Variants in SATL1 observed in about 807,000 individuals in gnomAD.
SATL1 encodes spermidine/spermine N1-acetyl transferase like 1, also known as spermidine/spermine N(1)-acetyltransferase-like protein 1.
In SATL1, 47 loss-of-function variants were observed where a neutral mutation model predicts 51.8. That is an observed-to-expected ratio of 0.91 (90% CI 0.72 to 1.16). SATL1 has a LOEUF of 1.16. Ranked by LOEUF, SATL1 falls within the 50% of genes most tolerant of loss-of-function variation. The pLI is 0.00. For missense variants in SATL1, 520 were observed against 526.4 expected (o/e 0.99, Z 0.12); for synonymous variants, 176 against 182.4 (o/e 0.97, Z 0.28).
intron 2 of SATL1, among the ~76,000 whole-genome samples, chrX:85,177,151 G>A (rs755034562): frequency 9.0e-6 from 1 of 111,717 alleles, no homozygotes; most frequent in South Asian, 3.7e-4. Flanking sequence ...GGAGAGAGAA[G>A]TACAATGTGG....
At chrX:85,158,296 C>T (rs1467772294) in intron 2 of SATL1, among the ~76,000 whole-genome samples, 2 of 111,718 alleles carry the variant, frequency 1.8e-5, no homozygotes, top group African/African-American at 6.5e-5. Context: ...TTTGCTACCT[C>T]TTCTTCACCC....
At chrX:85,105,713 C>G (rs190762903) in intron 3 of SATL1, among the ~76,000 whole-genome samples, 34 of 111,928 alleles carry the variant, frequency 3.0e-4, no homozygotes, top group Admixed American at 1.0e-3. Flanking sequence ...ATTGCAAACT[C>G]TAATAAACTC....
intron 2 of SATL1, among the ~76,000 whole-genome samples, chrX:85,119,584 G>C (rs970224024): frequency 9.0e-6 from 1 of 111,238 alleles, no homozygotes; most frequent in Non-Finnish European, 1.9e-5. Context: ...AATAAATATC[G>C]CTTTAAATAT....
chrX:85,107,839 C>G lies in SATL1; in HGVS notation c.1130G>C (p.Ser377Thr). The G allele has an allele frequency of 8.3e-7, 1 of 1,211,469 alleles. No homozygotes were observed. Among genetic ancestry groups the G allele is most frequent in the African/African-American group, 1.7e-5 (1 of 57,715 alleles). Residue 377 changes from serine to threonine, a missense_variant, in exon 3 of 8, where the codon AGC becomes ACC. By Grantham distance (58) the Ser-to-Thr change is moderately conservative. Coordinates refer to ENST00000644105, the MANE Select transcript of SATL1 (RefSeq NM_001367857.2). ...GTCTAGTTGCCACATCACTGGTTGG[C>G]TTATACCTGATTGGTTTGTGCCTGC... ...SQAGTNQSGI[S>T]QPVMWQLDMR...
chrX:85,155,399 C>T (rs1161773187), intron 2 of SATL1, among the ~76,000 whole-genome samples: 1 of 111,003 alleles, frequency 9.0e-6, no homozygotes, highest in Non-Finnish European at 1.9e-5. Flanking sequence ...ATCACTTAGC[C>T]CCTATTTCCT....
At chrX:85,198,136 C>T (rs767396405) in intron 2 of SATL1, among the ~76,000 whole-genome samples, 4 of 111,458 alleles carry the variant, frequency 3.6e-5, no homozygotes, top group East Asian at 2.8e-4. Context: ...CCTCCGGTTT[C>T]GTCTGTGTTT....
In SATL1 at chrX:85,107,879, A is replaced by T; in HGVS notation, c.1090T>A (p.Ser364Thr). ...RAPSQSGPRQ[S>T]STSQAGTNQS... ...TTTGTGCCTGCTTGGCTCGTGCTTGATTGTCTGGGGCCTGATTGGCTTGGG... is the reference window on the plus strand; with the variant it reads ...TTTGTGCCTGCTTGGCTCGTGCTTGTTTGTCTGGGGCCTGATTGGCTTGGG... The change falls in exon 3 of 8, where the codon TCA (serine) becomes ACA (threonine). Residue 364 changes from serine (S) to threonine (T), a missense_variant. Ser to Thr is a moderately conservative substitution (Grantham distance 58). Transcript: ENST00000644105. 2 of 1,207,282 alleles carry T rather than the reference A, an allele frequency of 1.7e-6. No homozygotes were observed. Among genetic ancestry groups the T allele is most frequent in the Non-Finnish European group, 2.2e-6 (2 of 894,403 alleles).
At chrX:85,183,698 G>T (rs1322334452) in intron 2 of SATL1, among the ~76,000 whole-genome samples, 1 of 111,291 alleles carries the variant, frequency 9.0e-6, no homozygotes, top group African/African-American at 3.3e-5. Flanking sequence ...GAGTACAATA[G>T]ATATTTTGAT....
At chrX:85,149,323 G>T (rs1314667030) in intron 2 of SATL1, among the ~76,000 whole-genome samples, 19 of 111,184 alleles carry the variant, frequency 1.7e-4, no homozygotes, top group African/African-American at 5.6e-4. Context: ...AGCAAGTCCT[G>T]AGTGACCTAC....
chrX:85,160,125 C>T lies in SATL1; in HGVS notation c.-312-50845G>A, dbSNP rs1401761773. ...AAATGAAGTCAGCTGACTGAACCCACCTTACACCATAATCAAACTCTCAAG... is the reference window on the plus strand; with the variant it reads ...AAATGAAGTCAGCTGACTGAACCCATCTTACACCATAATCAAACTCTCAAG... On this transcript the variant is annotated intron_variant, in intron 2 of 7. Transcript: ENST00000644105. Among the ~76,000 whole-genome samples the T allele has an allele frequency of 3.6e-5, 4 of 110,624 alleles. No homozygotes were observed. The South Asian group carries it at 1.6e-3, about 43-fold the overall frequency.
intron 2 of SATL1, among the ~76,000 whole-genome samples, chrX:85,133,109 G>A (rs1367289378): frequency 8.9e-6 from 1 of 112,174 alleles, no homozygotes; most frequent in East Asian, 2.8e-4. Context: ...GCTACATGAG[G>A]GTCAGGGACC....
intron 2 of SATL1, among the ~76,000 whole-genome samples, chrX:85,171,285 G>A (rs73234608): frequency 0.11 from 12,098 of 110,560 alleles, 563 homozygotes; most frequent in South Asian, 0.18. Context: ...TACTTTTTGA[G>A]TCTCATAAGA....
chrX:85,119,541 T>C (rs1011850569), intron 2 of SATL1, among the ~76,000 whole-genome samples: 1 of 111,881 alleles, frequency 8.9e-6, no homozygotes, highest in Non-Finnish European at 1.9e-5. Context: ...TTAAACAATG[T>C]TCCAGGAAAC....
intron 2 of SATL1, among the ~76,000 whole-genome samples, chrX:85,193,018 A>G (rs1026619128): frequency 8.9e-6 from 1 of 112,072 alleles, no homozygotes; most frequent in African/African-American, 3.2e-5. Context: ...TAGAAATACT[A>G]CAACAGTTTT....
At position 85,092,427 on chromosome X, in the gene SATL1, G is replaced by A. The variant is rs769988877; in HGVS notation, c.2052C>T (p.Asn684=). The change falls in exon 8 of 8, where the codon AAC becomes AAT. Residue 684 remains asparagine (N), a synonymous_variant. Transcript: ENST00000644105. ...ATGCCATGTCCAGGAGTTCTTCTCTGTTAAACCTGAAGAGATGCCAGCCCT... is the reference window on the plus strand; with the variant it reads ...ATGCCATGTCCAGGAGTTCTTCTCTATTAAACCTGAAGAGATGCCAGCCCT... ...SEEGWHLFRF[N]REELLDMAWE... The A allele has an allele frequency of 4.2e-6, 5 of 1,187,422 alleles. No homozygotes were observed. In the South Asian group the frequency reaches 7.5e-5, roughly 18 times the overall value.
At chrX:85,174,242 A>G (rs1452190696) in intron 2 of SATL1, among the ~76,000 whole-genome samples, 1 of 110,476 alleles carries the variant, frequency 9.1e-6, no homozygotes, top group Non-Finnish European at 1.9e-5. Flanking sequence ...ATACGTGTGC[A>G]TGTTTCTTTA....
chrX:85,157,263 TG>T (rs1333862018), intron 2 of SATL1, among the ~76,000 whole-genome samples: 3 of 109,727 alleles, frequency 2.7e-5, no homozygotes, highest in African/African-American at 1.0e-4. Context: ...TCAAGGAGAG[TG>T]GCAAGATACT....
chrX:85,221,256 T>C (rs1489046411), intron 2 of SATL1, among the ~76,000 whole-genome samples: 1 of 112,020 alleles, frequency 8.9e-6, no homozygotes, highest in African/African-American at 3.2e-5. Flanking sequence ...TGTATGTGTT[T>C]GTGTGTTACT....
chrX:85,150,265 G>C (rs1926389534), intron 2 of SATL1, among the ~76,000 whole-genome samples: 1 of 111,676 alleles, frequency 9.0e-6, no homozygotes, highest in South Asian at 3.7e-4. Context: ...AATAAACCAG[G>C]AAGAAGCAGA....
Sources: allele counts gnomAD v4.1 joint callset (sites outside exome capture counted in the v4.1 genomes callset), GRCh38; gene constraint gnomAD v4.1.1; transcripts MANE v1.5; gene names NCBI Gene and HGNC (gene_info 2026-07-23, HGNC 2026-07-21).